HPSE2: variants seen among roughly 807,000 people sequenced by gnomAD.
HPSE2 encodes inactive heparanase-2.
In HPSE2, 38 loss-of-function variants were observed where a neutral mutation model predicts 60.5. That is an observed-to-expected ratio of 0.63 (90% CI 0.48 to 0.82). The LOEUF (loss-of-function observed/expected upper bound fraction) is 0.82, where lower values mean the gene tolerates loss of function less well. HPSE2 is among the 40% of genes least tolerant of loss of function. HPSE2 has a pLI of 0.00. For synonymous variants in HPSE2, 295 were observed against 293.2 expected (o/e 1.01, Z -0.06); for missense variants, 713 against 740.4 (o/e 0.96, Z 0.43).
intron 9 of HPSE2, among the ~76,000 whole-genome samples, chr10:98,493,720 C>T (rs1941736256): frequency 6.6e-6 from 1 of 152,088 alleles, no homozygotes; most frequent in Non-Finnish European, 1.5e-5. Context: ...AGAGTTGGAT[C>T]CTGTTTTTCT....
chr10:98,939,335 T>C lies in HPSE2; in HGVS notation c.611-195279A>G, dbSNP rs1436855111. Among the ~76,000 whole-genome samples, 2 of 143,176 alleles carry C rather than the reference T, an allele frequency of 1.4e-5. 1 individual carries two copies. Among genetic ancestry groups the C allele is most frequent in the Non-Finnish European group, 3.0e-5 (2 of 67,046 alleles). 93.9% of individuals were successfully genotyped at this position (143,176 alleles called of 152,430 possible). ...CCATCAGTGTGCTGTATTCAGGAAA[T>C]CCATCTCACGTGCAGAGACACACAT... On this transcript the variant is annotated intron_variant, in intron 3 of 11. Coordinates refer to ENST00000370552, the MANE Select transcript of HPSE2 (RefSeq NM_021828.5).
At chr10:99,248,323 G>A in the HPSE2 span, among the ~76,000 whole-genome samples, 5 of 152,204 alleles carry the variant, frequency 3.3e-5, no homozygotes. Context: ...GGGAACTAGA[G>A]AAAAGGCCAC....
chr10:98,545,606 C>G lies in HPSE2; in HGVS notation c.1321-55410G>C, dbSNP rs963032675. Among the ~76,000 whole-genome samples the G allele has an allele frequency of 1.1e-4, 17 of 152,194 alleles. No individual in the cohort carries two copies. The South Asian group carries it at 1.2e-3, about 11-fold the overall frequency. ...AAGGCCTTTGACAAAATTCAACAAC[C>G]CTTCATGCTAAAAACGCTCAATAAA... On this transcript the variant is annotated intron_variant, in intron 9 of 11. Coordinates refer to ENST00000370552, the MANE Select transcript of HPSE2 (RefSeq NM_021828.5).
At chr10:99,284,584 A>T in the HPSE2 span, among the ~76,000 whole-genome samples, 1 of 152,220 alleles carries the variant, frequency 6.6e-6, no homozygotes, top group Non-Finnish European at 1.5e-5. Context: ...ATTTGGCAAT[A>T]GTTTCTCTCT....
In HPSE2 at chr10:99,126,937, G is replaced by A. The variant is rs1381540378; in HGVS notation, c.610+17301C>T. Reference sequence around the variant, plus strand: ...TGGCTCCCAGAAAGCCCCATCCCTAGGGGAAGGGGAAGAGCACCACATGAA... The same window carrying A: ...TGGCTCCCAGAAAGCCCCATCCCTAAGGGAAGGGGAAGAGCACCACATGAA... On this transcript the variant is annotated intron_variant, in intron 3 of 11. Coordinates refer to ENST00000370552, the MANE Select transcript of HPSE2 (RefSeq NM_021828.5). This position sits in a 1 kb window ranked among gnomAD's most constrained non-coding sequence, Gnocchi z 4.0. Among the ~76,000 whole-genome samples the A allele has an allele frequency of 6.6e-6, 1 of 152,098 alleles. No homozygotes were observed. Among genetic ancestry groups the A allele is most frequent in the African/African-American group, 2.4e-5 (1 of 41,400 alleles).
chr10:99,000,990 A>C (rs1467741513), intron 3 of HPSE2, among the ~76,000 whole-genome samples: 1 of 152,042 alleles, frequency 6.6e-6, no homozygotes, highest in Non-Finnish European at 1.5e-5. Context: ...AGACTTGTCC[A>C]CCCCATTCCT....
At chr10:98,670,879 G>A (rs1947488768) in intron 6 of HPSE2, among the ~76,000 whole-genome samples, 1 of 152,220 alleles carries the variant, frequency 6.6e-6, no homozygotes, top group Non-Finnish European at 1.5e-5. Context: ...CAGAAATGGT[G>A]CACTTGGGGA....
intron 3 of HPSE2, among the ~76,000 whole-genome samples, chr10:98,791,909 C>T (rs571585062): frequency 6.6e-6 from 1 of 152,158 alleles, no homozygotes; most frequent in East Asian, 1.9e-4. Flanking sequence ...CACTTATTAT[C>T]AACGTTATTT....
chr10:98,537,076 G>A (rs1433795318), intron 9 of HPSE2, among the ~76,000 whole-genome samples: 2 of 152,160 alleles, frequency 1.3e-5, no homozygotes, highest in Non-Finnish European at 2.9e-5. Flanking sequence ...TGAAAGAGAG[G>A]CCAAAATAAG....
intron 3 of HPSE2, among the ~76,000 whole-genome samples, chr10:98,900,223 T>A (rs899652985): frequency 1.3e-5 from 2 of 152,168 alleles, no homozygotes; most frequent in Non-Finnish European, 2.9e-5. Context: ...AGCTGTGGTA[T>A]AGCCATACAA....
At chr10:99,018,399 A>T (rs1443685597) in intron 3 of HPSE2, among the ~76,000 whole-genome samples, 1 of 152,218 alleles carries the variant, frequency 6.6e-6, no homozygotes, top group Non-Finnish European at 1.5e-5. Flanking sequence ...CTGAAGTTAT[A>T]GGGAAAGATT....
chr10:98,803,700 T>C (rs1950972980), intron 3 of HPSE2, among the ~76,000 whole-genome samples: 1 of 150,786 alleles, frequency 6.6e-6, no homozygotes, highest in Non-Finnish European at 1.5e-5. Flanking sequence ...TTGGTACCAG[T>C]AGCATGCTGT....
upstream of HPSE2, chr10:99,235,968 TCG>T (rs1335957854): frequency 1.0e-3 from 352 of 347,594 alleles, no homozygotes; most frequent in African/African-American, 9.7e-3. Context: ...TCTCTCTCTC[TCG>T]CTCGCTCGCT....
chr10:98,537,894 G>C lies in HPSE2; in HGVS notation c.1321-47698C>G, dbSNP rs180961976. Among the ~76,000 whole-genome samples, 18 of 152,284 alleles carry C rather than the reference G, an allele frequency of 1.2e-4. No individual in the cohort carries two copies. The East Asian group carries it at 3.5e-3, about 29-fold the overall frequency. On this transcript the variant is annotated intron_variant, in intron 9 of 11. Transcript: ENST00000370552. ...ACTTTCATGTTCCTCCCATACTCCT[G>C]GTTCCTCTTTGAAGTTCATAGTAGA...
At chr10:98,637,210 G>A (rs921809735) in intron 7 of HPSE2, among the ~76,000 whole-genome samples, 1 of 152,118 alleles carries the variant, frequency 6.6e-6, no homozygotes. Context: ...TCAGAAAACT[G>A]AGAATTCTTC....
chr10:98,561,720 C>T (rs1416724113), intron 9 of HPSE2, among the ~76,000 whole-genome samples: 2 of 152,042 alleles, frequency 1.3e-5, no homozygotes, highest in Non-Finnish European at 2.9e-5. Flanking sequence ...TGGTGGCGGG[C>T]GCCTGCAATT....
intron 3 of HPSE2, among the ~76,000 whole-genome samples, chr10:98,919,810 C>G (rs986993369): frequency 6.6e-6 from 1 of 151,938 alleles, no homozygotes; most frequent in Non-Finnish European, 1.5e-5. Flanking sequence ...AAAGAAGGAA[C>G]GAAGAGGTTT....
In HPSE2 at chr10:98,643,197, T is replaced by C. The variant is rs552160107; in HGVS notation, c.1005-1257A>G. 4.6e-5 allele frequency among the ~76,000 whole-genome samples: 7 copies of C among 152,370 alleles called. No homozygotes were observed. The East Asian group carries it at 9.6e-4, about 21-fold the overall frequency. On this transcript the variant is annotated intron_variant, in intron 6 of 11. Transcript: ENST00000370552. ...CTTCAAATTCCAGATCTGGTATTAA[T>C]AACTATATGATCTTGGGCAAGTTAC...
chr10:98,625,536 A>G (rs1213950604), intron 7 of HPSE2, among the ~76,000 whole-genome samples: 2 of 152,228 alleles, frequency 1.3e-5, no homozygotes, highest in Admixed American at 6.5e-5. Flanking sequence ...AAGAAAAGAA[A>G]CAATCATGTA....
Sources: gnomAD v4.1 joint callset for allele counts (sites outside exome capture counted in the v4.1 genomes callset) on GRCh38, gnomAD v4.1.1 for gene constraint, Gnocchi (gnomAD v3.1) non-coding constraint, MANE v1.5 for transcripts, NCBI Gene and HGNC (gene_info 2026-07-23, HGNC 2026-07-21) for gene names.